Variants in NAV3 observed in about 807,000 individuals in gnomAD.
NAV3 encodes the protein pore membrane and/or filament interacting like protein 1.
NAV3 carries 87 observed loss-of-function variants against 244.7 expected under a neutral mutation model. That is an observed-to-expected ratio of 0.36 (90% CI 0.30 to 0.42). The LOEUF is 0.42. Among genes scored for constraint, NAV3 ranks in the 20% least tolerant of loss-of-function variants. The probability of loss-of-function intolerance (pLI) is 1.00; values close to 1 mark genes in which losing one functional copy is unlikely to be tolerated. For missense variants in NAV3, 2,663 were observed against 2,893.3 expected, an observed-to-expected ratio of 0.92 and a Z score of 1.83; for synonymous variants, 1,126 against 1,042.2, an observed-to-expected ratio of 1.08 and a Z score of -1.55.
chr12:77,800,182 T>C (rs897666531), intron 2 of NAV3, among the ~76,000 whole-genome samples: 8 of 152,116 alleles, frequency 5.3e-5, no homozygotes. Context: ...CTTTTAAGAT[T>C]CCATTTGGCT....
chr12:78,172,382 A>G (rs1958039014), intron 24 of NAV3, among the ~76,000 whole-genome samples: 1 of 151,636 alleles, frequency 6.6e-6, no homozygotes, highest in African/African-American at 2.4e-5. Flanking sequence ...CTTGTATAGC[A>G]ATACAAGGTT....
chr12:78,201,072 C>CTTTTTTTTT (rs549973376), intron 38 of NAV3, among the ~76,000 whole-genome samples: 1 of 90,310 alleles, frequency 1.1e-5, no homozygotes, highest in Non-Finnish European at 2.0e-5. Flanking sequence ...TCTTCTCCTT[C>CTTTTTTTTT]TTTTTTTTTT....
intron 2 of NAV3, among the ~76,000 whole-genome samples, chr12:77,643,936 A>T (rs1041425723): frequency 2.6e-5 from 4 of 152,144 alleles, no homozygotes; most frequent in Non-Finnish European, 4.4e-5. Context: ...TTCAAGTCAC[A>T]TGAACTTGAA....
Position 78,049,810 on chromosome 12 carries a change from A to G in NAV3, c.2024-183A>G, listed in dbSNP as rs12308921. 3.2e-3 allele frequency among the ~76,000 whole-genome samples: 481 copies of G among 152,350 alleles called. 2 individuals are homozygous for G. Among genetic ancestry groups the G allele is most frequent in the African/African-American group, 0.011 (453 of 41,598 alleles). On this transcript the variant is annotated intron_variant, in intron 9 of 39. Coordinates refer to ENST00000397909, the MANE Select transcript of NAV3 (RefSeq NM_001024383.2). Reference sequence around the variant, plus strand: ...ACTTAAAATTATTACTGGTGATACTATGTTTGTCTCTATTCACATTTTATT... The same window carrying G: ...ACTTAAAATTATTACTGGTGATACTGTGTTTGTCTCTATTCACATTTTATT...
intron 9 of NAV3, among the ~76,000 whole-genome samples, chr12:78,038,320 AG>A (rs1880265838): frequency 2.0e-5 from 3 of 152,196 alleles, no homozygotes; most frequent in Admixed American, 2.0e-4. Flanking sequence ...ATTTCCACAA[AG>A]GGCTTCATAT....
intron 11 of NAV3, among the ~76,000 whole-genome samples, chr12:78,058,747 G>T (rs932665497): frequency 5.3e-5 from 8 of 152,102 alleles, no homozygotes; most frequent in African/African-American, 1.9e-4. Flanking sequence ...TGGTAGGCTA[G>T]TTACTTGTCG....
chr12:77,842,848 G>A lies in NAV3; in HGVS notation c.243+11144G>A, dbSNP rs564880720. 3.9e-5 allele frequency among the ~76,000 whole-genome samples: 6 copies of A among 152,244 alleles called. No individual in the cohort carries two copies. The South Asian group carries it at 1.2e-3, about 32-fold the overall frequency. ...TAATTTGTCTGTAGATTTAGTTGTG[G>A]TATAAGACTATTTGTATCCAGGTTT... On this transcript the variant is annotated intron_variant, in intron 1 of 39. Coordinates refer to ENST00000397909, the MANE Select transcript of NAV3 (RefSeq NM_001024383.2).
intron 1 of NAV3, among the ~76,000 whole-genome samples, chr12:77,884,736 T>C (rs926523250): frequency 5.3e-5 from 8 of 152,128 alleles, no homozygotes; most frequent in African/African-American, 1.9e-4. Flanking sequence ...TTCTCAGACA[T>C]ACCCAGAAAG....
intron 1 of NAV3, among the ~76,000 whole-genome samples, chr12:77,852,719 TG>T (rs1158768895): frequency 2.6e-5 from 4 of 152,196 alleles, no homozygotes; most frequent in Admixed American, 6.5e-5. Flanking sequence ...TTCATGAATT[TG>T]TAGAAAATGA....
chr12:77,645,534 T>TA (rs1565750945), intron 2 of NAV3, among the ~76,000 whole-genome samples: 1 of 89,320 alleles, frequency 1.1e-5, no homozygotes, highest in African/African-American at 6.4e-5. Context: ...GCTCTCTCTC[T>TA]CTAAAAAAAA....
intron 5 of NAV3, among the ~76,000 whole-genome samples, chr12:77,985,330 C>A (rs1038155561): frequency 2.6e-5 from 4 of 152,114 alleles, no homozygotes; most frequent in Non-Finnish European, 5.9e-5. Context: ...GTCAGAATAA[C>A]GAGAACACTG....
At chr12:77,754,479 T>C (rs1342161294) in intron 2 of NAV3, among the ~76,000 whole-genome samples, 4 of 152,198 alleles carry the variant, frequency 2.6e-5, no homozygotes, top group Non-Finnish European at 4.4e-5. Context: ...CTTTACTTAG[T>C]CTTCCCTTTT....
chr12:77,895,901 T>C (rs1053014403), intron 1 of NAV3, among the ~76,000 whole-genome samples: 2 of 147,842 alleles, frequency 1.4e-5, no homozygotes, highest in African/African-American at 2.5e-5. Flanking sequence ...GGGGATCTAA[T>C]TATATTCTAG....
intron 2 of NAV3, among the ~76,000 whole-genome samples, chr12:77,796,139 A>G (rs1797687435): frequency 6.6e-6 from 1 of 152,210 alleles, no homozygotes; most frequent in South Asian, 2.1e-4. Context: ...TAAGCAAAGT[A>G]AATAAAAAAC....
At chr12:77,646,663 G>C (rs563717747) in intron 2 of NAV3, among the ~76,000 whole-genome samples, 1 of 152,210 alleles carries the variant, frequency 6.6e-6, no homozygotes, top group South Asian at 2.1e-4. Flanking sequence ...CCAAGGGTTT[G>C]GTTGTCCAGG....
intron 1 of NAV3, among the ~76,000 whole-genome samples, chr12:77,889,265 C>G (rs547074569): frequency 6.6e-6 from 1 of 152,162 alleles, no homozygotes; most frequent in Non-Finnish European, 1.5e-5. Context: ...TAAGAGGGAA[C>G]TTTACCTGCC....
At chr12:77,881,805 A>T (rs938439746) in intron 1 of NAV3, among the ~76,000 whole-genome samples, 6 of 152,094 alleles carry the variant, frequency 3.9e-5, no homozygotes, top group African/African-American at 1.4e-4. Flanking sequence ...AGTCAAATCA[A>T]GCACACAATG....
intron 9 of NAV3, chr12:78,037,536 A>G (rs1415132214): frequency 3.5e-6 from 2 of 577,488 alleles, no homozygotes; most frequent in East Asian, 5.6e-5. Context: ...TGTTTCTTGA[A>G]GTGATTTTTT....
At chr12:77,600,033 C>T (rs919939244) in intron 2 of NAV3, among the ~76,000 whole-genome samples, 1 of 151,960 alleles carries the variant, frequency 6.6e-6, no homozygotes, top group African/African-American at 2.4e-5. Flanking sequence ...TGAAGAACTG[C>T]ACAACATCAC....
Sources: gnomAD v4.1 joint callset for allele counts (sites outside exome capture counted in the v4.1 genomes callset) on GRCh38, gnomAD v4.1.1 for gene constraint, MANE v1.5 for transcripts, NCBI Gene and HGNC (gene_info 2026-07-23, HGNC 2026-07-21) for gene names.